NECTIN2: variants seen among roughly 807,000 people sequenced by gnomAD.
NECTIN2 encodes the protein nectin cell adhesion molecule 2, also known as nectin-2.
NECTIN2 carries 23 observed loss-of-function variants against 56.9 expected under a neutral mutation model. The observed-to-expected ratio is 0.40, with a 90% CI of 0.29 to 0.57. The LOEUF (loss-of-function observed/expected upper bound fraction) is 0.57. Ranked by LOEUF, NECTIN2 falls within the 20% of genes least tolerant of loss-of-function variation. The pLI, the probability that NECTIN2 is intolerant of heterozygous loss-of-function variation, is 0.38. For synonymous variants in NECTIN2, 302 were observed against 313.8 expected, an observed-to-expected ratio of 0.96 and a Z score of 0.40; for missense variants, 587 against 718.3, an observed-to-expected ratio of 0.82 and a Z score of 2.09.
At chr19:44,882,726 G>C (rs1473827008) in intron 6 of NECTIN2, among the ~76,000 whole-genome samples, 1 of 148,062 alleles carries the variant, frequency 6.8e-6, no homozygotes, top group Admixed American at 6.8e-5. Flanking sequence ...TGGCCACGCA[G>C]GGTGGCTCTG....
chr19:44,885,338 A>C, intron 6 of NECTIN2, among the ~76,000 whole-genome samples: 1 of 111,238 alleles, frequency 9.0e-6, no homozygotes, highest in Non-Finnish European at 1.8e-5. Flanking sequence ...TTAATTTGAG[A>C]TGGCATCTCA....
chr19:44,875,494 G>C lies in NECTIN2; in HGVS notation c.1042+1016G>C, dbSNP rs947254116. 3.9e-5 allele frequency among the ~76,000 whole-genome samples: 6 copies of C among 152,172 alleles called. No individual in the cohort carries two copies. Among genetic ancestry groups the C allele is most frequent in the African/African-American group, 1.4e-4 (6 of 41,418 alleles). On this transcript the variant is annotated intron_variant, in intron 5 of 8. Transcript: ENST00000252483. This position sits in a 1 kb window ranked among gnomAD's most constrained non-coding sequence, Gnocchi z 4.2. ...TTGGTCAGGCTGGTCTCGAACTGCTGACCTCAGGTGATCCACCCGCCTCGG... is the reference window on the plus strand; with the variant it reads ...TTGGTCAGGCTGGTCTCGAACTGCTCACCTCAGGTGATCCACCCGCCTCGG...
chr19:44,871,878 C>T lies in NECTIN2; in HGVS notation c.504C>T (p.Ala168=). ...CCAAGCCCAAGAACCAAGCTGAGGCCCAGAAGGTCACGTTCAGCCAGGACC... is the reference window on the plus strand; with the variant it reads ...CCAAGCCCAAGAACCAAGCTGAGGCTCAGAAGGTCACGTTCAGCCAGGACC... ...VIAKPKNQAE[A]QKVTFSQDPT... The change falls in exon 3 of 9, where the codon GCC becomes GCT. Residue 168 remains alanine, a synonymous_variant. Transcript: ENST00000252483. The T allele has an allele frequency of 6.2e-7, 1 of 1,613,816 alleles. No individual in the cohort carries two copies. Among genetic ancestry groups the T allele is most frequent in the Non-Finnish European group, 8.5e-7 (1 of 1,179,752 alleles).
chr19:44,854,677 G>A (rs533039720), intron 1 of NECTIN2, among the ~76,000 whole-genome samples: 49 of 152,096 alleles, frequency 3.2e-4, no homozygotes, highest in African/African-American at 1.2e-3. Flanking sequence ...GCTGGGTATG[G>A]TGGTACATGC....
At chr19:44,863,797 GCTC>G (rs1317484557) in intron 1 of NECTIN2, among the ~76,000 whole-genome samples, 1 of 149,542 alleles carries the variant, frequency 6.7e-6, no homozygotes, top group Non-Finnish European at 1.5e-5. Flanking sequence ...GACCAAGATT[GCTC>G]CACTGCACCC....
At chr19:44,883,991 T>C (rs541408467) in intron 6 of NECTIN2, among the ~76,000 whole-genome samples, 6 of 151,352 alleles carry the variant, frequency 4.0e-5, no homozygotes, top group South Asian at 2.1e-4. Context: ...TGGTAGCCCA[T>C]GCCTGTAGTC....
intron 2 of NECTIN2, among the ~76,000 whole-genome samples, chr19:44,866,578 C>T (rs1165763148): frequency 2.0e-5 from 3 of 151,700 alleles, no homozygotes; most frequent in Non-Finnish European, 2.9e-5. Context: ...ATGGCAAGTA[C>T]AAAGGCCCTG....
At chr19:44,854,835 A>T (rs1968944803) in intron 1 of NECTIN2, among the ~76,000 whole-genome samples, 1 of 147,464 alleles carries the variant, frequency 6.8e-6, no homozygotes. Flanking sequence ...TTTAAAAAGA[A>T]CTCTGAGTTG....
chr19:44,872,451 G>A (rs928451227), intron 3 of NECTIN2, among the ~76,000 whole-genome samples: 7 of 152,012 alleles, frequency 4.6e-5, no homozygotes, highest in South Asian at 2.1e-4. Flanking sequence ...AAGTCTTCTC[G>A]GTAGCTTGAA....
intron 2 of NECTIN2, among the ~76,000 whole-genome samples, chr19:44,868,150 G>C (rs1969124388): frequency 6.6e-6 from 1 of 151,610 alleles, no homozygotes; most frequent in African/African-American, 2.4e-5. Context: ...TCGCTTTGAG[G>C]TCAGGAGTTT....
intron 1 of NECTIN2, among the ~76,000 whole-genome samples, chr19:44,849,888 T>A (rs1442420427): frequency 3.9e-5 from 6 of 152,174 alleles, no homozygotes. Flanking sequence ...GGGTGATGGA[T>A]GGCTAACTCT....
At chr19:44,850,667 G>C (rs1373261558) in intron 1 of NECTIN2, among the ~76,000 whole-genome samples, 1 of 151,982 alleles carries the variant, frequency 6.6e-6, no homozygotes, top group Admixed American at 6.6e-5. Context: ...CAAAACACAC[G>C]GATTAGAGGA....
In NECTIN2 at chr19:44,865,738, T is replaced by G; in HGVS notation, c.478+78T>G. ...GCATCCCCTTGCGGGTCAGTTTCTC[T>G]CTTGGCTTCAGCTGTGAGGTTCACA... is the stretch of plus-strand genomic sequence containing the variant. On this transcript the variant is annotated intron_variant, in intron 2 of 8. Transcript: ENST00000252483. This position sits in a 1 kb window ranked among gnomAD's most constrained non-coding sequence, Gnocchi z 5.2. The G allele has an allele frequency of 7.1e-7, 1 of 1,403,270 alleles. No homozygotes were observed. The highest frequency in any genetic ancestry group is 9.4e-7 in the Non-Finnish European group (1 of 1,066,082). 86.9% of individuals were successfully genotyped at this position (1,403,270 alleles called of 1,614,324 possible).
intron 1 of NECTIN2, among the ~76,000 whole-genome samples, chr19:44,854,610 C>T (rs1968941620): frequency 6.6e-6 from 1 of 151,552 alleles, no homozygotes; most frequent in South Asian, 2.1e-4. Flanking sequence ...GTCAGGAGTC[C>T]GAGACTAGCC....
At chr19:44,871,616 GTAT>G (rs955255938) in intron 2 of NECTIN2, among the ~76,000 whole-genome samples, 37 of 152,144 alleles carry the variant, frequency 2.4e-4, no homozygotes, top group Admixed American at 1.1e-3. Context: ...ACCTATCAAT[GTAT>G]TATTTAATTC....
rs562938006 is a variant in NECTIN2 at position 44,874,241 on chromosome 19, T to C, written c.894-89T>C. 63 of 1,489,078 alleles carry C rather than the reference T, an allele frequency of 4.2e-5. No homozygotes were observed. Among genetic ancestry groups the C allele is most frequent in the Middle Eastern group, 3.9e-4 (2 of 5,132 alleles). The allele number at this position is 1,489,078 out of a possible 1,614,324, so 92.2% of individuals were successfully genotyped here. On this transcript the variant is annotated intron_variant, in intron 4 of 8. Coordinates refer to ENST00000252483, the MANE Select transcript of NECTIN2 (RefSeq NM_001042724.2). This position sits in a 1 kb window ranked among gnomAD's most constrained non-coding sequence, Gnocchi z 6.3. ...CGGGAGTACTTAGGTCCCTGGAGCTTGGCTCCTGGTGGGTGTATCTTTAGG... is the reference window on the plus strand; with the variant it reads ...CGGGAGTACTTAGGTCCCTGGAGCTCGGCTCCTGGTGGGTGTATCTTTAGG...
chr19:44,888,008 C>T, intron 8 of NECTIN2, 102 bp from the exon 9 acceptor site: 1 of 1,281,676 alleles, frequency 7.8e-7, no homozygotes, highest in Non-Finnish European at 1.1e-6. Flanking sequence ...ATCTTGTTGG[C>T]ATGGGGAGAG....
At position 44,875,630 on chromosome 19, in the gene NECTIN2, C is replaced by G. The variant is rs1445338578; in HGVS notation, c.1042+1152C>G. Among the ~76,000 whole-genome samples, 3 of 152,236 alleles carry G rather than the reference C, an allele frequency of 2.0e-5. No individual in the cohort carries two copies. The highest frequency in any genetic ancestry group is 2.9e-5 in the Non-Finnish European group (2 of 68,040). On this transcript the variant is annotated intron_variant, in intron 5 of 8. Transcript: ENST00000252483. The surrounding 1 kb of genome is among the most constrained non-coding windows in gnomAD (Gnocchi z 4.2). ...CATGCAGCACACCTGTGCAAACACG[C>G]AATGTGCAGGCCCCCCAGAAACATG...
At chr19:44,859,024 C>G (rs73572048) in intron 1 of NECTIN2, among the ~76,000 whole-genome samples, 2,869 of 152,296 alleles carry the variant, frequency 0.019, 96 homozygotes, top group African/African-American at 0.066. Flanking sequence ...CCTGTCCCCA[C>G]CCAAGGGGAC....
Sources: allele counts gnomAD v4.1 joint callset (sites outside exome capture counted in the v4.1 genomes callset), GRCh38; gene constraint gnomAD v4.1.1; non-coding constraint Gnocchi (gnomAD v3.1); transcripts MANE v1.5; gene names NCBI Gene and HGNC (gene_info 2026-07-23, HGNC 2026-07-21).